Variants in UGT2B7 observed in about 807,000 individuals in gnomAD.
The protein encoded by UGT2B7 is UDP-glucuronosyltransferase 2B7.
In UGT2B7, 51 loss-of-function variants were observed where a neutral mutation model predicts 51.9. That is an observed-to-expected ratio of 0.98 (90% CI 0.78 to 1.24). UGT2B7 has a LOEUF of 1.24. Ranked by LOEUF, UGT2B7 falls within the 50% of genes most tolerant of loss-of-function variation. The pLI is 0.00. For missense variants in UGT2B7, 727 were observed against 628.4 expected (o/e 1.16, Z -1.68); for synonymous variants, 225 against 211.6 (o/e 1.06, Z -0.55).
At chr4:69,079,544 C>T (rs1448089023) in intron 1 of UGT2B7, among the ~76,000 whole-genome samples, 3 of 152,084 alleles carry the variant, frequency 2.0e-5, no homozygotes, top group Non-Finnish European at 4.4e-5. Flanking sequence ...TGTGACAGGT[C>T]TTTCTTGATT....
rs1363470182 is a variant in UGT2B7 at position 69,107,251 on chromosome 4, A to G, written c.1079A>G (p.Asn360Ser). 1.2e-6 allele frequency: 2 copies of G among 1,607,786 alleles called. No homozygotes were observed. The highest frequency in any genetic ancestry group is 1.7e-6 in the Non-Finnish European group (2 of 1,176,268). ...CGGCTCTACAAGTGGATACCCCAGAATGACCTTCTAGGTAAGACTCTGGTG... is the reference window on the plus strand; with the variant it reads ...CGGCTCTACAAGTGGATACCCCAGAGTGACCTTCTAGGTAAGACTCTGGTG... The part of the protein sequence containing the change: ...NTRLYKWIPQ[N>S]DLLGHPKTRA... Residue 360 changes from asparagine to serine, a missense_variant, in exon 4 of 6, where the codon AAT becomes AGT. By Grantham distance (46) the Asn-to-Ser change is conservative. Coordinates refer to ENST00000305231, the MANE Select transcript of UGT2B7 (RefSeq NM_001074.4).
intron 1 of UGT2B7, among the ~76,000 whole-genome samples, chr4:69,074,782 CAT>C (rs1718667927): frequency 6.6e-6 from 1 of 152,040 alleles, no homozygotes; most frequent in Non-Finnish European, 1.5e-5. Flanking sequence ...GTCACTTTTT[CAT>C]AGTTTTCACA....
At chr4:69,072,172 T>A in intron 1 of UGT2B7, among the ~76,000 whole-genome samples, 1 of 152,120 alleles carries the variant, frequency 6.6e-6, no homozygotes, top group East Asian at 1.9e-4. Context: ...ACATAGTATA[T>A]TAAATTCCAA....
At chr4:69,104,139 T>G (rs1324662392) in intron 3 of UGT2B7, among the ~76,000 whole-genome samples, 2 of 151,956 alleles carry the variant, frequency 1.3e-5, no homozygotes, top group Non-Finnish European at 2.9e-5. Flanking sequence ...TAGAAAAAAT[T>G]ACACAGGCAT....
intron 1 of UGT2B7, among the ~76,000 whole-genome samples, chr4:69,071,182 C>T (rs568108712): frequency 2.6e-5 from 4 of 152,018 alleles, no homozygotes; most frequent in Non-Finnish European, 5.9e-5. Flanking sequence ...TTAGTCCAGT[C>T]CCTCTAGATT....
intron 1 of UGT2B7, among the ~76,000 whole-genome samples, chr4:69,077,396 T>C (rs150727101): frequency 2.2e-3 from 342 of 152,322 alleles, no homozygotes; most frequent in African/African-American, 7.1e-3. Flanking sequence ...TTTCACGATA[T>C]TGATTCTTCC....
rs528100451 is a variant in UGT2B7 at position 69,097,340 on chromosome 4, G to T, written c.721+99G>T. ...CATAAAGTCAGGGTAGTGGGGTTTT[G>T]GTAAGTGAATTTATAAAACAAAAAT... On this transcript the variant is annotated intron_variant, in intron 1 of 5. Transcript: ENST00000305231. The T allele has an allele frequency of 6.5e-6, 9 of 1,383,904 alleles. No homozygotes were observed. In the South Asian group the frequency reaches 8.8e-5, roughly 14 times the overall value. 85.7% of individuals were successfully genotyped at this position (1,383,904 alleles called of 1,614,324 possible). A position where few individuals can be genotyped will look rare whatever the true frequency, so the allele number is the denominator to read the frequency against.
At chr4:69,072,217 A>G (rs1467663340) in intron 1 of UGT2B7, among the ~76,000 whole-genome samples, 2 of 152,088 alleles carry the variant, frequency 1.3e-5, no homozygotes, top group Non-Finnish European at 2.9e-5. Context: ...TGTTTCTTTG[A>G]GATTGATTCT....
chr4:69,072,168 T>C (rs1248636969), intron 1 of UGT2B7, among the ~76,000 whole-genome samples: 6 of 152,250 alleles, frequency 3.9e-5, no homozygotes, highest in Middle Eastern at 3.4e-3. Flanking sequence ...AATCACATAG[T>C]ATATTAAATT....
intron 1 of UGT2B7, among the ~76,000 whole-genome samples, chr4:69,083,622 T>G: frequency 6.6e-6 from 1 of 152,118 alleles, no homozygotes; most frequent in East Asian, 1.9e-4. Flanking sequence ...AACCTATTCC[T>G]ACACAATTTC....
At chr4:69,055,839 G>A (rs192573271) in intron 1 of UGT2B7, among the ~76,000 whole-genome samples, 3 of 152,236 alleles carry the variant, frequency 2.0e-5, no homozygotes, top group East Asian at 1.9e-4. Flanking sequence ...AAAAGGATTC[G>A]CTCATCCTGT....
chr4:69,058,695 T>C (rs1401111224), intron 1 of UGT2B7, among the ~76,000 whole-genome samples: 16 of 149,996 alleles, frequency 1.1e-4, no homozygotes, highest in Non-Finnish European at 2.2e-4. Context: ...AAATGGAAGG[T>C]TTTGCAGGCA....
At chr4:69,071,312 T>C (rs1325513399) in intron 1 of UGT2B7, among the ~76,000 whole-genome samples, 3 of 152,096 alleles carry the variant, frequency 2.0e-5, no homozygotes, top group Non-Finnish European at 2.9e-5. Flanking sequence ...AAACTAGAAA[T>C]GTATACTATT....
chr4:69,072,359 C>T (rs1425462941), intron 1 of UGT2B7, among the ~76,000 whole-genome samples: 2 of 152,066 alleles, frequency 1.3e-5, no homozygotes, highest in Non-Finnish European at 2.9e-5. Flanking sequence ...TTTGAATATG[C>T]TGCTTAAAGA....
intron 2 of UGT2B7, among the ~76,000 whole-genome samples, chr4:69,090,998 C>T (rs1719072031): frequency 6.6e-6 from 1 of 152,158 alleles, no homozygotes. Context: ...GTGATCCATA[C>T]ACATTGGGAT....
intron 2 of UGT2B7, 91 bp from the exon 3 acceptor site, chr4:69,102,716 A>AT: frequency 6.5e-7 from 1 of 1,538,104 alleles, no homozygotes; most frequent in Non-Finnish European, 8.7e-7. Flanking sequence ...AAAATACTGG[A>AT]TTTTCTCTCT....
intron 3 of UGT2B7, among the ~76,000 whole-genome samples, chr4:69,103,780 G>A (rs1197587650): frequency 6.6e-6 from 1 of 152,176 alleles, no homozygotes; most frequent in African/African-American, 2.4e-5. Flanking sequence ...ATTATGGGAT[G>A]TAGTATTTCT....
At chr4:69,109,620 A>G (rs1409521936) in intron 5 of UGT2B7, among the ~76,000 whole-genome samples, 2 of 152,096 alleles carry the variant, frequency 1.3e-5, no homozygotes, top group East Asian at 1.9e-4. Flanking sequence ...TTTATATATT[A>G]TGGGTCATGT....
intron 1 of UGT2B7, among the ~76,000 whole-genome samples, chr4:69,056,923 A>G (rs1385600937): frequency 1.3e-5 from 2 of 152,192 alleles, no homozygotes; most frequent in African/African-American, 4.8e-5. Context: ...CTGTTTTAAG[A>G]AAAAAACAAA....
Sources: allele counts gnomAD v4.1 joint callset (sites outside exome capture counted in the v4.1 genomes callset), GRCh38; gene constraint gnomAD v4.1.1; transcripts MANE v1.5; gene names NCBI Gene and HGNC (gene_info 2026-07-23, HGNC 2026-07-21).